DSE: variants seen among roughly 807,000 people sequenced by gnomAD.
DSE encodes dermatan-sulfate epimerase.
DSE carries 36 observed loss-of-function variants against 84.4 expected under a neutral mutation model. The observed-to-expected ratio is 0.43, with a 90% confidence interval of 0.33 to 0.56. The LOEUF is 0.56. Ranked by LOEUF, DSE falls within the 20% of genes least tolerant of loss-of-function variation. The pLI is 0.06. For missense variants in DSE, 862 were observed against 1,169.6 expected (o/e 0.74, Z 3.84); for synonymous variants, 410 against 430.1 (o/e 0.95, Z 0.58).
chr6:116,321,008 G>C (rs1033421468), intron 2 of DSE, among the ~76,000 whole-genome samples: 5 of 152,126 alleles, frequency 3.3e-5, no homozygotes, highest in African/African-American at 9.7e-5. Context: ...ATGTCAGCAG[G>C]CTTGCTTGTG....
intron 2 of DSE, among the ~76,000 whole-genome samples, chr6:116,262,576 G>A (rs769224483): frequency 2.6e-5 from 4 of 152,116 alleles, no homozygotes; most frequent in East Asian, 1.9e-4. Context: ...TCCTGGATTC[G>A]TTGATCTTTG....
At chr6:116,290,984 A>G (rs1774245222) in intron 2 of DSE, among the ~76,000 whole-genome samples, 1 of 152,180 alleles carries the variant, frequency 6.6e-6, no homozygotes, top group Admixed American at 6.5e-5. Flanking sequence ...CATCTGTAGC[A>G]CAGAAGATTG....
intron 2 of DSE, among the ~76,000 whole-genome samples, chr6:116,340,800 A>G (rs1777545100): frequency 6.6e-6 from 1 of 152,056 alleles, no homozygotes; most frequent in African/African-American, 2.4e-5. Flanking sequence ...CATCAATGTC[A>G]CTACAAAGGA....
At chr6:116,330,967 G>T (rs1344390303) in intron 2 of DSE, among the ~76,000 whole-genome samples, 2 of 152,154 alleles carry the variant, frequency 1.3e-5, no homozygotes, top group African/African-American at 4.8e-5. Context: ...TGCAATGTTA[G>T]TTTAATATTA....
At chr6:116,381,919 A>G (rs1358441882) in intron 1 of DSE, among the ~76,000 whole-genome samples, 3 of 152,122 alleles carry the variant, frequency 2.0e-5, no homozygotes, top group Admixed American at 6.6e-5. Context: ...TTTTGAGGCT[A>G]TGAAGGAGAA....
intron 2 of DSE, among the ~76,000 whole-genome samples, chr6:116,416,604 A>G (rs1051902818): frequency 2.6e-5 from 4 of 152,138 alleles, no homozygotes; most frequent in African/African-American, 9.7e-5. Context: ...AAATGTGTCA[A>G]CTACATACAG....
At chr6:116,384,902 C>A (rs1300541808) in intron 1 of DSE, among the ~76,000 whole-genome samples, 1 of 151,892 alleles carries the variant, frequency 6.6e-6, no homozygotes, top group African/African-American at 2.4e-5. Flanking sequence ...TCATAAGTGC[C>A]ATGAAGAGAA....
intron 1 of DSE, among the ~76,000 whole-genome samples, chr6:116,397,122 G>A (rs1583168257): frequency 6.6e-6 from 1 of 151,936 alleles, no homozygotes; most frequent in African/African-American, 2.4e-5. Flanking sequence ...TTGCATTGAT[G>A]AGAGCATTCA....
At chr6:116,316,823 C>CTATTATTATTATTATTAT (rs1295122719) in intron 2 of DSE, among the ~76,000 whole-genome samples, 43 of 88,338 alleles carry the variant, frequency 4.9e-4, no homozygotes, top group African/African-American at 2.1e-3. Context: ...ACTACTACTA[C>CTATTATTATTATTATTAT]TACTATTATT....
At chr6:116,374,189 A>G (rs552478755) in intron 1 of DSE, among the ~76,000 whole-genome samples, 2 of 152,360 alleles carry the variant, frequency 1.3e-5, no homozygotes, top group African/African-American at 4.8e-5. Flanking sequence ...CTCCCAAAAG[A>G]CTAGCATTTT....
At chr6:116,311,617 G>A (rs1196881004) in intron 2 of DSE, among the ~76,000 whole-genome samples, 7 of 152,212 alleles carry the variant, frequency 4.6e-5, no homozygotes, top group African/African-American at 1.7e-4. Flanking sequence ...GGATCAAGAT[G>A]TACTAGCTCT....
At chr6:116,341,519 A>G (rs1777592130) in intron 2 of DSE, among the ~76,000 whole-genome samples, 1 of 151,848 alleles carries the variant, frequency 6.6e-6, no homozygotes, top group Non-Finnish European at 1.5e-5. Flanking sequence ...TTGTTGCAAA[A>G]TGCCATTGCC....
chr6:116,399,122 A>G, intron 1 of DSE, 76 bp from the exon 2 acceptor site: 2 of 1,173,386 alleles, frequency 1.7e-6, no homozygotes, highest in Non-Finnish European at 1.2e-6. Flanking sequence ...TATGGTTTCT[A>G]CCTCTTATAT....
chr6:116,330,138 T>C (rs1776853162), intron 2 of DSE, among the ~76,000 whole-genome samples: 1 of 152,226 alleles, frequency 6.6e-6, no homozygotes. Context: ...ACTAATGTAC[T>C]TAAAAAGTAT....
rs555469202 is a variant in DSE at position 116,361,146 on chromosome 6, G to A, written c.-53-38052G>A. 6.6e-5 allele frequency among the ~76,000 whole-genome samples: 10 copies of A among 151,850 alleles called. No individual in the cohort carries two copies. The East Asian group carries it at 7.8e-4, about 12-fold the overall frequency. On this transcript the variant is annotated intron_variant, in intron 2 of 3. Coordinates refer to the DSE transcript ENST00000430252. ...GTGATCTCGGCTGACCACAACCTCC[G>A]CTTCCTGGGTTCAGGCGATTCTTCT...
At chr6:116,279,333 G>A in intron 2 of DSE, 2 of 1,610,580 alleles carry the variant, frequency 1.2e-6, no homozygotes, top group Non-Finnish European at 1.7e-6. Context: ...TCTCAGCCAC[G>A]GCTGCTGAGA....
chr6:116,435,983 C>G lies in DSE; in HGVS notation c.1515C>G (p.Asp505Glu). Residue 505 changes from aspartate (D) to glutamate (E), a missense_variant, in exon 6 of 6, where the codon GAC becomes GAG. Transcript: ENST00000644252. ...FSPWVGQVTE[D>E]CSSKWSKYKH... Reference sequence around the variant, plus strand: ...CCTGGGTGGGTCAGGTCACAGAAGACTGCTCATCAAAATGGTCTAAATACA... The same window carrying G: ...CCTGGGTGGGTCAGGTCACAGAAGAGTGCTCATCAAAATGGTCTAAATACA... 1 of 1,614,152 alleles carries G rather than the reference C, an allele frequency of 6.2e-7. No individual in the cohort carries two copies. The highest frequency in any genetic ancestry group is 8.5e-7 in the Non-Finnish European group (1 of 1,180,024).
intron 2 of DSE, among the ~76,000 whole-genome samples, chr6:116,403,429 A>C (rs899373686): frequency 7.3e-5 from 11 of 151,490 alleles, no homozygotes; most frequent in Non-Finnish European, 1.3e-4. Context: ...AAATTAATAA[A>C]ATTTAATAAT....
At chr6:116,279,755 T>C in intron 2 of DSE, 1 of 1,612,250 alleles carries the variant, frequency 6.2e-7, no homozygotes. Flanking sequence ...TCCTGGTCGC[T>C]CGGGACTTGG....
Sources: gnomAD v4.1 joint callset for allele counts (sites outside exome capture counted in the v4.1 genomes callset) on GRCh38, gnomAD v4.1.1 for gene constraint, MANE v1.5 for transcripts, NCBI Gene and HGNC (gene_info 2026-07-23, HGNC 2026-07-21) for gene names.